INSC: variants seen among roughly 807,000 people sequenced by gnomAD.
The protein encoded by INSC is INSC spindle orientation adaptor protein, also known as protein inscuteable homolog.
In INSC, 67 loss-of-function variants were observed where a neutral mutation model predicts 58.6. The ratio of observed to expected loss-of-function variants is 1.14; its 90% CI spans 0.94 to 1.40. The LOEUF (loss-of-function observed/expected upper bound fraction) is 1.40. INSC is among the 40% of genes most tolerant of loss of function. The pLI, the probability that INSC is intolerant of heterozygous loss-of-function variation, is 0.00. For synonymous variants in INSC, 262 were observed against 276.1 expected, an observed-to-expected ratio of 0.95 and a Z score of 0.51; for missense variants, 714 against 692.0, an observed-to-expected ratio of 1.03 and a Z score of -0.36.
chr11:15,114,827 C>T, upstream of INSC: 2 of 566,492 alleles, frequency 3.5e-6, no homozygotes, highest in Non-Finnish European at 4.4e-6. Context: ...CCTTGGGAGG[C>T]TGCGACCGCC....
At chr11:15,177,692 A>G (rs1849621481) in intron 4 of INSC, among the ~76,000 whole-genome samples, 1 of 152,222 alleles carries the variant, frequency 6.6e-6, no homozygotes, top group Non-Finnish European at 1.5e-5. Flanking sequence ...CCTCACATGT[A>G]TACACACCCA....
intron 1 of INSC, among the ~76,000 whole-genome samples, chr11:15,137,592 T>G (rs948347563): frequency 1.3e-5 from 2 of 152,260 alleles, no homozygotes; most frequent in Non-Finnish European, 2.9e-5. Flanking sequence ...ATGGCCTCTT[T>G]CCTTAAACCT....
intron 5 of INSC, among the ~76,000 whole-genome samples, chr11:15,182,080 C>T (rs1469371848): frequency 6.6e-6 from 1 of 152,100 alleles, no homozygotes; most frequent in Non-Finnish European, 1.5e-5. Context: ...TTCAGGACTT[C>T]TCAATTTGTA....
chr11:15,147,693 G>A (rs1048789586), intron 1 of INSC, among the ~76,000 whole-genome samples: 2 of 152,196 alleles, frequency 1.3e-5, no homozygotes, highest in African/African-American at 4.8e-5. Flanking sequence ...GAAGCTCACA[G>A]TCTAGTAAGC....
chr11:15,238,909 T>A lies in INSC; in HGVS notation c.1238-10T>A, dbSNP rs548831892. 4.3e-6 allele frequency: 7 copies of A among 1,612,498 alleles called. No homozygotes were observed. The East Asian group carries it at 1.6e-4, about 36-fold the overall frequency. ...GGGTAGGTACCAACTGTTCCTTGCT[T>A]CCTGCCTAGGGGTCCAGCTTATCAT... On this transcript the variant is annotated splice_polypyrimidine_tract_variant and intron_variant, in intron 10 of 12. Coordinates refer to ENST00000379556, the MANE Select transcript of INSC (RefSeq NM_001042536.3).
At chr11:15,119,066 G>A (rs573648811) in intron 1 of INSC, among the ~76,000 whole-genome samples, 7 of 152,254 alleles carry the variant, frequency 4.6e-5, no homozygotes, top group East Asian at 3.9e-4. Flanking sequence ...GAGAGATGCC[G>A]GCAACTCCCT....
chr11:15,230,250 A>G (rs977345825), intron 9 of INSC, among the ~76,000 whole-genome samples: 2 of 151,444 alleles, frequency 1.3e-5, no homozygotes, highest in Non-Finnish European at 2.9e-5. Context: ...AAAAGGTTTA[A>G]TTGGCTCATG....
chr11:15,252,516 C>T, the INSC span, among the ~76,000 whole-genome samples: 1 of 152,202 alleles, frequency 6.6e-6, no homozygotes, highest in East Asian at 1.9e-4. Context: ...AGTGGGAGGC[C>T]TCAGTTCCTC....
intron 12 of INSC, among the ~76,000 whole-genome samples, chr11:15,243,363 G>A (rs1409049741): frequency 2.6e-5 from 4 of 152,210 alleles, no homozygotes. Context: ...GAAAGTGGCA[G>A]TGCAGATCAT....
intron 2 of INSC, among the ~76,000 whole-genome samples, chr11:15,169,653 T>G (rs1406445141): frequency 6.6e-6 from 1 of 152,156 alleles, no homozygotes; most frequent in Non-Finnish European, 1.5e-5. Flanking sequence ...GTGATTCTCC[T>G]GCCTCAACCT....
At chr11:15,208,542 G>A (rs1840743033) in intron 7 of INSC, among the ~76,000 whole-genome samples, 1 of 152,226 alleles carries the variant, frequency 6.6e-6, no homozygotes, top group African/African-American at 2.4e-5. Context: ...AAGGAGGCCA[G>A]GATGCAAAGA....
chr11:15,125,740 T>C (rs1847978837), intron 1 of INSC, among the ~76,000 whole-genome samples: 1 of 152,118 alleles, frequency 6.6e-6, no homozygotes, highest in Non-Finnish European at 1.5e-5. Context: ...ATGGGCATAT[T>C]CTTGTGGGAC....
chr11:15,205,145 G>A (rs1295863204), intron 7 of INSC, among the ~76,000 whole-genome samples: 1 of 152,216 alleles, frequency 6.6e-6, no homozygotes, highest in Non-Finnish European at 1.5e-5. Context: ...AGAGGGTGAG[G>A]CAGGAGCAAT....
downstream of INSC, among the ~76,000 whole-genome samples, chr11:15,251,581 T>C (rs936843267): frequency 6.6e-6 from 1 of 152,160 alleles, no homozygotes; most frequent in Non-Finnish European, 1.5e-5. Context: ...AGTTAATAGC[T>C]GGACAAAGGA....
chr11:15,200,323 C>T (rs1850534139), intron 6 of INSC, among the ~76,000 whole-genome samples: 1 of 151,726 alleles, frequency 6.6e-6, no homozygotes, highest in Non-Finnish European at 1.5e-5. Context: ...TTTTTTTTGC[C>T]TGCCTCCTGC....
chr11:15,178,279 C>G (rs373660512), intron 4 of INSC, 45 bp from the exon 5 acceptor site: 24 of 1,610,724 alleles, frequency 1.5e-5, no homozygotes, highest in East Asian at 1.1e-4. Flanking sequence ...CTGGGCTGAC[C>G]ACATGCCCTT....
At chr11:15,141,115 G>A (rs896296522) in intron 1 of INSC, among the ~76,000 whole-genome samples, 1 of 152,044 alleles carries the variant, frequency 6.6e-6, no homozygotes, top group Non-Finnish European at 1.5e-5. Context: ...CTACAAGGGG[G>A]TAATCTCTAA....
Position 15,175,961 on chromosome 11 carries a change from CA to C in INSC, c.278del (p.Gln93ArgfsTer14), listed in dbSNP as rs1268986162. 1.9e-6 allele frequency: 3 copies of C among 1,613,788 alleles called. No homozygotes were observed. In the African/African-American group the frequency reaches 4.0e-5, roughly 22 times the overall value. ...VISTELRRIG[Q>X]KLAQDRWARV... ...TAGCACAGAGCTGCGCAGGATCGGG[CA>C]GAAGCTGGCCCAGGACCGCTGGGCA... On this transcript the variant is annotated frameshift_variant, in exon 3 of 13. Transcript: ENST00000379556. LOFTEE classifies it high-confidence loss of function.
intron 7 of INSC, among the ~76,000 whole-genome samples, chr11:15,218,191 A>G (rs991426729): frequency 6.6e-6 from 1 of 152,236 alleles, no homozygotes; most frequent in Admixed American, 6.5e-5. Flanking sequence ...ATGAAATACC[A>G]TACAACAGTG....
Sources: gnomAD v4.1 joint callset for allele counts (sites outside exome capture counted in the v4.1 genomes callset) on GRCh38, gnomAD v4.1.1 for gene constraint, MANE v1.5 for transcripts, NCBI Gene and HGNC (gene_info 2026-07-23, HGNC 2026-07-21) for gene names.